FAM227B: variants seen among roughly 807,000 people sequenced by gnomAD.
The protein encoded by FAM227B is protein FAM227B.
Under a neutral mutation model 73.8 loss-of-function variants are expected in FAM227B, and 88 were observed. That is an observed-to-expected ratio of 1.19 (90% CI 1.00 to 1.42). The LOEUF (loss-of-function observed/expected upper bound fraction) is 1.42, where lower values mean the gene tolerates loss of function less well. FAM227B is among the 40% of genes most tolerant of loss of function. The pLI is 0.00. For synonymous variants in FAM227B, 210 were observed against 190.5 expected (o/e 1.10, Z -0.84); for missense variants, 632 against 590.9 (o/e 1.07, Z -0.72).
At chr15:49,431,432 G>T (rs2050609598) in intron 11 of FAM227B, among the ~76,000 whole-genome samples, 1 of 151,822 alleles carries the variant, frequency 6.6e-6, no homozygotes, top group Non-Finnish European at 1.5e-5. Context: ...GTAGTAATAT[G>T]TAAAGACAAA....
In FAM227B at chr15:49,604,836, T is replaced by C. The variant is rs191513603; in HGVS notation, c.105+6379A>G. On this transcript the variant is annotated intron_variant, in intron 3 of 15. Coordinates refer to ENST00000299338, the MANE Select transcript of FAM227B (RefSeq NM_152647.3). Reference sequence around the variant, plus strand: ...TTGATCACATCTGCTGTTGAAGCTTTCTATGGAATTTTTTGGTTTAATCAT... The same window carrying C: ...TTGATCACATCTGCTGTTGAAGCTTCCTATGGAATTTTTTGGTTTAATCAT... Among the ~76,000 whole-genome samples, 124 of 152,098 alleles carry C rather than the reference T, an allele frequency of 8.2e-4. 1 individual carries two copies. The highest frequency in any genetic ancestry group is 3.0e-3 in the African/African-American group (123 of 41,514).
At chr15:49,377,281 G>A (rs1453249438) in intron 11 of FAM227B, among the ~76,000 whole-genome samples, 1 of 151,928 alleles carries the variant, frequency 6.6e-6, no homozygotes, top group African/African-American at 2.4e-5. Context: ...GGACATTTAG[G>A]TTGCTTCCAA....
chr15:49,430,248 C>A (rs990394428), intron 11 of FAM227B, among the ~76,000 whole-genome samples: 1 of 151,912 alleles, frequency 6.6e-6, no homozygotes, highest in African/African-American at 2.4e-5. Context: ...ACCACAGCCT[C>A]ACAATGACAG....
intron 11 of FAM227B, among the ~76,000 whole-genome samples, chr15:49,435,236 T>TA (rs1258383249): frequency 6.6e-6 from 1 of 151,600 alleles, no homozygotes; most frequent in African/African-American, 2.4e-5. Flanking sequence ...ATAATCACTG[T>TA]AAAATCGAAG....
At chr15:49,430,050 T>G (rs972541434) in intron 11 of FAM227B, among the ~76,000 whole-genome samples, 8 of 151,880 alleles carry the variant, frequency 5.3e-5, no homozygotes, top group Non-Finnish European at 7.4e-5. Flanking sequence ...TAGGCTTGAT[T>G]AGGCATAAAT....
At position 49,343,116 on chromosome 15, in the gene FAM227B, T is replaced by C. The variant is rs371775472; in HGVS notation, c.1272-7620A>G. Among the ~76,000 whole-genome samples the C allele has an allele frequency of 1.2e-4, 19 of 152,300 alleles. No homozygotes were observed. The East Asian group carries it at 1.3e-3, about 11-fold the overall frequency. Reference sequence around the variant, plus strand: ...ACTTTTTGAATTATTCCTTCAAATATGTTTTCTGTGTTGTATACTTTTTCT... The same window carrying C: ...ACTTTTTGAATTATTCCTTCAAATACGTTTTCTGTGTTGTATACTTTTTCT... On this transcript the variant is annotated intron_variant, in intron 13 of 15. Coordinates refer to ENST00000299338, the MANE Select transcript of FAM227B (RefSeq NM_152647.3).
intron 2 of FAM227B, among the ~76,000 whole-genome samples, chr15:49,611,656 G>T (rs1227596798): frequency 6.6e-6 from 1 of 152,108 alleles, no homozygotes; most frequent in African/African-American, 2.4e-5. Flanking sequence ...ATTTTAAAAA[G>T]TTAACTAGTT....
chr15:49,402,857 C>A (rs1032113596), intron 11 of FAM227B, among the ~76,000 whole-genome samples: 1 of 151,998 alleles, frequency 6.6e-6, no homozygotes, highest in Admixed American at 6.6e-5. Flanking sequence ...TGTGTTGTGC[C>A]GATTTTCAAT....
intron 10 of FAM227B, among the ~76,000 whole-genome samples, chr15:49,539,608 G>A (rs2070770574): frequency 1.3e-5 from 2 of 152,212 alleles, no homozygotes; most frequent in South Asian, 4.1e-4. Flanking sequence ...ATGAGGTCTG[G>A]AGAGTAAATT....
chr15:49,441,037 A>G (rs1045691667), intron 11 of FAM227B, among the ~76,000 whole-genome samples: 5 of 151,830 alleles, frequency 3.3e-5, no homozygotes, highest in African/African-American at 1.2e-4. Context: ...CCACCAAAAC[A>G]TAACACTTAA....
At chr15:49,547,682 T>A (rs1452192551) in intron 9 of FAM227B, among the ~76,000 whole-genome samples, 1 of 152,114 alleles carries the variant, frequency 6.6e-6, no homozygotes, top group African/African-American at 2.4e-5. Flanking sequence ...TATTCTTGTA[T>A]CAGACAAAAT....
At chr15:49,383,446 G>A (rs1035592688) in intron 11 of FAM227B, among the ~76,000 whole-genome samples, 3 of 152,056 alleles carry the variant, frequency 2.0e-5, no homozygotes, top group Non-Finnish European at 4.4e-5. Context: ...ATACCCTTAA[G>A]AGACTACAAT....
At chr15:49,392,732 T>A (rs1276241942) in intron 11 of FAM227B, among the ~76,000 whole-genome samples, 2 of 152,196 alleles carry the variant, frequency 1.3e-5, no homozygotes, top group African/African-American at 4.8e-5. Context: ...AATTATAAGT[T>A]CATTTAAATA....
At chr15:49,596,429 G>T (rs1209634979) in intron 3 of FAM227B, among the ~76,000 whole-genome samples, 1 of 151,770 alleles carries the variant, frequency 6.6e-6, no homozygotes, top group African/African-American at 2.4e-5. Flanking sequence ...AGACTACCAA[G>T]CCAGCACTAA....
intron 11 of FAM227B, among the ~76,000 whole-genome samples, chr15:49,432,390 C>T (rs150530764): frequency 0.024 from 3,656 of 151,704 alleles, 113 homozygotes; most frequent in South Asian, 0.15. Flanking sequence ...GAACAATTTT[C>T]TTTCAGCAGA....
rs371346513 is a variant in FAM227B, at chr15:49,469,702, A to G, written c.1012+38509T>C. On this transcript the variant is annotated intron_variant, in intron 11 of 15. Coordinates refer to ENST00000299338, the MANE Select transcript of FAM227B (RefSeq NM_152647.3). ...ACTTCATTTGCAAGAACTAATTAGCAGTTGTCAGAGAATGAAATAATCTTC... is the reference window on the plus strand; with the variant it reads ...ACTTCATTTGCAAGAACTAATTAGCGGTTGTCAGAGAATGAAATAATCTTC... Among the ~76,000 whole-genome samples the G allele has an allele frequency of 1.1e-4, 17 of 152,282 alleles. No homozygotes were observed. The East Asian group carries it at 1.2e-3, about 10-fold the overall frequency.
At chr15:49,465,753 A>G (rs2054214415) in intron 11 of FAM227B, among the ~76,000 whole-genome samples, 1 of 152,216 alleles carries the variant, frequency 6.6e-6, no homozygotes, top group Non-Finnish European at 1.5e-5. Flanking sequence ...TGAAAATTAG[A>G]AGGAAATTTA....
At chr15:49,571,365 C>T (rs1284667436) in intron 8 of FAM227B, among the ~76,000 whole-genome samples, 1 of 151,918 alleles carries the variant, frequency 6.6e-6, no homozygotes, top group Non-Finnish European at 1.5e-5. Context: ...TGACGCAATT[C>T]CATTTGTCTA....
intron 11 of FAM227B, among the ~76,000 whole-genome samples, chr15:49,429,180 T>A (rs544372224): frequency 6.6e-6 from 1 of 152,010 alleles, no homozygotes; most frequent in South Asian, 2.1e-4. Flanking sequence ...AAAAAATAGA[T>A]AATAAGTAAC....
Sources: gnomAD v4.1 joint callset for allele counts (sites outside exome capture counted in the v4.1 genomes callset) on GRCh38, gnomAD v4.1.1 for gene constraint, MANE v1.5 for transcripts, NCBI Gene and HGNC (gene_info 2026-07-23, HGNC 2026-07-21) for gene names.